TEX11: variants seen among roughly 807,000 people sequenced by gnomAD.
The protein encoded by TEX11 is testis expressed 11, also known as testis-expressed protein 11.
Under a neutral mutation model 84.4 loss-of-function variants are expected in TEX11, and 7 were observed. That is an observed-to-expected ratio of 0.08 (90% CI 0.05 to 0.16). The LOEUF is 0.16. TEX11 is among the 10% of genes least tolerant of loss of function. TEX11 has a pLI of 1.00. For synonymous variants in TEX11, 264 were observed against 222.8 expected (o/e 1.18, Z -1.64); for missense variants, 551 against 660.5 (o/e 0.83, Z 1.82).
chrX:70,539,988 G>A (rs924504713), intron 28 of TEX11, among the ~76,000 whole-genome samples: 8 of 112,002 alleles, frequency 7.1e-5, no homozygotes, highest in African/African-American at 2.3e-4. Context: ...TGGAGGTCAA[G>A]TTAGAAACTT....
chrX:70,897,936 G>A lies in TEX11; in HGVS notation c.37+9817C>T, dbSNP rs1177347789. Among the ~76,000 whole-genome samples the A allele has an allele frequency of 4.5e-5, 5 of 111,415 alleles. 1 individual carries two copies. In the Admixed American group the frequency reaches 4.8e-4, roughly 11 times the overall value. On this transcript the variant is annotated intron_variant, in intron 2 of 29. Transcript: ENST00000374333. The stretch of plus-strand genomic sequence containing the variant: ...ATAATTGATTAAAATAAAGCATGGA[G>A]AAGTTAACTAACTTGGCCAAGATCA...
At chrX:70,511,359 T>C in the TEX11 span, among the ~76,000 whole-genome samples, 1 of 112,467 alleles carries the variant, frequency 8.9e-6, no homozygotes, top group South Asian at 3.7e-4. Flanking sequence ...AGATATGGCC[T>C]CTGCCCTTAC....
chrX:70,625,152 A>G (rs1182774699), intron 18 of TEX11, among the ~76,000 whole-genome samples: 1 of 111,150 alleles, frequency 9.0e-6, no homozygotes. Flanking sequence ...AAACACTCAA[A>G]GCCTTGCCAA....
rs750168073 is a variant in TEX11, at chrX:70,640,207, A to G, written c.1484-10472T>C. Among the ~76,000 whole-genome samples the G allele has an allele frequency of 4.6e-3, 507 of 109,330 alleles. 4 individuals carry two copies. Among genetic ancestry groups the G allele is most frequent in the Non-Finnish European group, 7.5e-3 (391 of 52,287 alleles). The allele number at this position is 109,330 out of a possible 115,157, so 94.9% of individuals were successfully genotyped here. A position where few individuals can be genotyped will look rare whatever the true frequency, so the allele number is the denominator to read the frequency against. On this transcript the variant is annotated intron_variant, in intron 17 of 29. Coordinates refer to ENST00000374333, the MANE Select transcript of TEX11 (RefSeq NM_031276.3). ...AAATGAATGAAATGAAGCGAGAAGGAAAGTTTAGAGAAAAAAGAATAAAAA... is the reference window on the plus strand; with the variant it reads ...AAATGAATGAAATGAAGCGAGAAGGGAAGTTTAGAGAAAAAAGAATAAAAA...
chrX:70,782,645 C>CAAAAAAAAAAAA (rs780011355), intron 9 of TEX11, among the ~76,000 whole-genome samples: 7 of 28,900 alleles, frequency 2.4e-4, no homozygotes, highest in East Asian at 1.9e-3. Flanking sequence ...AAATGGAAAG[C>CAAAAAAAAAAAA]AAAAAAAAAA....
chrX:70,525,663 T>G (rs1350599558), downstream of TEX11, among the ~76,000 whole-genome samples: 1 of 111,340 alleles, frequency 9.0e-6, no homozygotes, highest in Admixed American at 9.6e-5. Flanking sequence ...CAACATCTTC[T>G]CTCATGGAGC....
chrX:70,771,708 A>AT (rs1163450434), intron 9 of TEX11, among the ~76,000 whole-genome samples: 1 of 111,934 alleles, frequency 8.9e-6, no homozygotes, highest in Non-Finnish European at 1.9e-5. Flanking sequence ...TTTAAACTAT[A>AT]TTTTTACTGT....
intron 15 of TEX11, among the ~76,000 whole-genome samples, chrX:70,675,311 T>C (rs1427373457): frequency 8.9e-6 from 1 of 112,252 alleles, no homozygotes; most frequent in East Asian, 2.8e-4. Flanking sequence ...TTCCTTGTAA[T>C]GTAGATCTTT....
chrX:70,752,858 T>C (rs2090838915), intron 9 of TEX11, among the ~76,000 whole-genome samples: 1 of 110,846 alleles, frequency 9.0e-6, no homozygotes, highest in Non-Finnish European at 1.9e-5. Flanking sequence ...TCCCGTCCCC[T>C]GGCAGTGGCG....
chrX:70,735,656 G>T (rs1247108801), intron 11 of TEX11, among the ~76,000 whole-genome samples: 1 of 112,075 alleles, frequency 8.9e-6, no homozygotes, highest in Non-Finnish European at 1.9e-5. Context: ...TTCCCAAATT[G>T]ATCTGCAGAT....
intron 29 of TEX11, 87 bp downstream of exon 29, chrX:70,529,748 G>T: frequency 1.1e-6 from 1 of 944,580 alleles, no homozygotes; most frequent in Non-Finnish European, 1.4e-6. Context: ...TAGCCAAGGA[G>T]GATGGGGTTG....
intron 24 of TEX11, among the ~76,000 whole-genome samples, chrX:70,603,923 A>C (rs1037063564): frequency 8.9e-6 from 1 of 111,881 alleles, no homozygotes; most frequent in Non-Finnish European, 1.9e-5. Flanking sequence ...AGAGAGACAG[A>C]GTACCACTGT....
chrX:70,714,927 G>T (rs1208844932), intron 13 of TEX11, among the ~76,000 whole-genome samples: 2 of 111,582 alleles, frequency 1.8e-5, no homozygotes, highest in African/African-American at 6.5e-5. Flanking sequence ...GCAGTGGCTT[G>T]TACCGGTTGT....
chrX:70,717,807 C>A (rs113911995), intron 13 of TEX11, among the ~76,000 whole-genome samples: 1,245 of 112,130 alleles, frequency 0.011, 21 homozygotes, highest in African/African-American at 0.038. Flanking sequence ...GTGAAGCAGA[C>A]TGTAAAAAAA....
chrX:70,604,814 A>T (rs1168271458), intron 24 of TEX11, among the ~76,000 whole-genome samples: 5 of 111,593 alleles, frequency 4.5e-5, no homozygotes, highest in African/African-American at 6.5e-5. Context: ...AAAGGTAAAC[A>T]GCTAAAAGCA....
chrX:70,726,688 A>G lies in TEX11; in HGVS notation c.844-1345T>C, dbSNP rs185228303. On this transcript the variant is annotated intron_variant, in intron 11 of 29. Coordinates refer to ENST00000374333, the MANE Select transcript of TEX11 (RefSeq NM_031276.3). ...TGGGATTACAGGTACACTCTACCAC[A>G]TCTGGCTCATTTTTGTATTTTTAGT... Among the ~76,000 whole-genome samples the G allele has an allele frequency of 4.8e-3, 527 of 109,646 alleles. 2 individuals carry two copies. Among genetic ancestry groups the G allele is most frequent in the Non-Finnish European group, 5.9e-3 (311 of 52,542 alleles).
chrX:70,772,270 C>T (rs1602114331), intron 9 of TEX11, among the ~76,000 whole-genome samples: 1 of 111,526 alleles, frequency 9.0e-6, no homozygotes, highest in Non-Finnish European at 1.9e-5. Flanking sequence ...CAACTCAAGG[C>T]CACAAAGATA....
intron 8 of TEX11, among the ~76,000 whole-genome samples, chrX:70,808,126 AAAAAAAAAAAAAAAAAAG>A (rs2091230841): frequency 9.8e-6 from 1 of 101,973 alleles, no homozygotes; most frequent in African/African-American, 3.6e-5. Context: ...AAAAAAAAAA[AAAAAAAAAAAAAAAAAAG>A]AATGAATGAA....
intron 11 of TEX11, among the ~76,000 whole-genome samples, chrX:70,733,640 A>G (rs756818473): frequency 8.9e-6 from 1 of 112,003 alleles, no homozygotes; most frequent in South Asian, 3.8e-4. Context: ...GCATCATTAA[A>G]AAGTCAGGAA....
Sources: gnomAD v4.1 joint callset for allele counts (sites outside exome capture counted in the v4.1 genomes callset) on GRCh38, gnomAD v4.1.1 for gene constraint, MANE v1.5 for transcripts, NCBI Gene and HGNC (gene_info 2026-07-23, HGNC 2026-07-21) for gene names.